KIAA0825: variants seen among roughly 807,000 people sequenced by gnomAD.
KIAA0825 encodes uncharacterized protein KIAA0825.
Under a neutral mutation model 147.6 loss-of-function variants are expected in KIAA0825, and 119 were observed. The observed-to-expected ratio is 0.81, with a 90% confidence interval of 0.69 to 0.94. The LOEUF is 0.94. Ranked by LOEUF, KIAA0825 falls within the 40% of genes least tolerant of loss-of-function variation. KIAA0825 has a pLI of 0.00. For synonymous variants in KIAA0825, 470 were observed against 518.1 expected, an observed-to-expected ratio of 0.91 and a Z score of 1.26; for missense variants, 1,381 against 1,472.7, an observed-to-expected ratio of 0.94 and a Z score of 1.02.
intron 16 of KIAA0825, among the ~76,000 whole-genome samples, chr5:94,397,293 T>C (rs1405369327): frequency 6.6e-6 from 1 of 152,220 alleles, no homozygotes; most frequent in Non-Finnish European, 1.5e-5. Flanking sequence ...TTGTGTCCTA[T>C]GCTATTTCCA....
chr5:94,277,343 T>C (rs1314718488), intron 20 of KIAA0825, among the ~76,000 whole-genome samples: 1 of 151,946 alleles, frequency 6.6e-6, no homozygotes, highest in Non-Finnish European at 1.5e-5. Flanking sequence ...GGGAGAAAAT[T>C]TTTGCAATCT....
chr5:94,457,365 A>G (rs1186908220), intron 12 of KIAA0825, among the ~76,000 whole-genome samples: 7 of 152,246 alleles, frequency 4.6e-5, no homozygotes, highest in African/African-American at 1.7e-4. Context: ...ATTTTGATAC[A>G]GCAAATTTAA....
chr5:94,536,208 C>T (rs17083799), intron 3 of KIAA0825, among the ~76,000 whole-genome samples: 26,543 of 152,012 alleles, frequency 0.17, 3,572 homozygotes, highest in African/African-American at 0.38. Context: ...ACTATTCTCA[C>T]GTAAAGCAGA....
chr5:94,352,616 A>G (rs892623598), intron 20 of KIAA0825, among the ~76,000 whole-genome samples: 1 of 152,240 alleles, frequency 6.6e-6, no homozygotes, highest in Admixed American at 6.5e-5. Flanking sequence ...AGACACTTGC[A>G]CACGCATGTT....
chr5:94,392,977 G>C (rs1349405086), intron 17 of KIAA0825, among the ~76,000 whole-genome samples: 1 of 151,390 alleles, frequency 6.6e-6, no homozygotes, highest in Non-Finnish European at 1.5e-5. Context: ...GGTGCATACA[G>C]GTTGCAAAAA....
chr5:94,229,278 G>A (rs1774477685), intron 20 of KIAA0825, among the ~76,000 whole-genome samples: 1 of 152,160 alleles, frequency 6.6e-6, no homozygotes, highest in Non-Finnish European at 1.5e-5. Flanking sequence ...AATTTTGAAA[G>A]CAAGTCTTTG....
chr5:94,532,545 C>G (rs576549460), intron 3 of KIAA0825, among the ~76,000 whole-genome samples: 1 of 151,802 alleles, frequency 6.6e-6, no homozygotes, highest in Non-Finnish European at 1.5e-5. Context: ...CTTTCCCTTT[C>G]CTTTCCTCCC....
intron 14 of KIAA0825, among the ~76,000 whole-genome samples, chr5:94,423,389 T>G (rs1182775005): frequency 6.6e-6 from 1 of 152,210 alleles, no homozygotes; most frequent in Non-Finnish European, 1.5e-5. Context: ...AGGGCTCTTT[T>G]CGTTGCATGC....
intron 18 of KIAA0825, among the ~76,000 whole-genome samples, chr5:94,387,321 T>G (rs1175461791): frequency 6.6e-6 from 1 of 152,148 alleles, no homozygotes; most frequent in Non-Finnish European, 1.5e-5. Flanking sequence ...GGGCACTGGA[T>G]CAGCTGAGTT....
At chr5:94,409,295 C>A (rs1280561077) in intron 15 of KIAA0825, among the ~76,000 whole-genome samples, 1 of 152,234 alleles carries the variant, frequency 6.6e-6, no homozygotes, top group African/African-American at 2.4e-5. Context: ...GCCATGAAAG[C>A]TAGAAAATAG....
intron 5 of KIAA0825, among the ~76,000 whole-genome samples, chr5:94,502,428 A>C (rs1765204417): frequency 6.6e-6 from 1 of 152,194 alleles, no homozygotes; most frequent in African/African-American, 2.4e-5. Context: ...GGTGGTCACA[A>C]AATATTAAGT....
chr5:94,230,457 C>T (rs1162167433), intron 20 of KIAA0825, among the ~76,000 whole-genome samples: 2 of 152,118 alleles, frequency 1.3e-5, no homozygotes, highest in East Asian at 3.8e-4. Context: ...GGCGAATCCC[C>T]CTACTTTGTA....
chr5:94,389,799 T>C (rs889107281), intron 18 of KIAA0825, among the ~76,000 whole-genome samples: 8 of 152,174 alleles, frequency 5.3e-5, no homozygotes, highest in Non-Finnish European at 8.8e-5. Context: ...TTTGGGCTTA[T>C]TGCCTGTGTT....
intron 2 of KIAA0825, among the ~76,000 whole-genome samples, chr5:94,546,517 C>CAGAGAGAGAGAG (rs34483380): frequency 1.3e-5 from 2 of 149,062 alleles, no homozygotes; most frequent in African/African-American, 5.0e-5. Context: ...TGGCTCAGCA[C>CAGAGAGAGAGAG]AGAGAGAGAG....
At chr5:94,594,718 C>G (rs1336102897) in intron 1 of KIAA0825, 2 of 633,962 alleles carry the variant, frequency 3.2e-6, no homozygotes, top group Non-Finnish European at 6.0e-6. Context: ...GAATGGAACT[C>G]TATGGCACTG....
intron 2 of KIAA0825, among the ~76,000 whole-genome samples, chr5:94,560,711 G>T (rs565152446): frequency 2.3e-3 from 349 of 152,272 alleles, no homozygotes; most frequent in South Asian, 4.1e-3. Flanking sequence ...GTCACCAAAT[G>T]CTCTCAAAGA....
intron 20 of KIAA0825, among the ~76,000 whole-genome samples, chr5:94,311,496 A>G (rs936594415): frequency 2.6e-5 from 4 of 151,668 alleles, no homozygotes; most frequent in African/African-American, 9.7e-5. Context: ...ACTACCTGAC[A>G]TAATTTCTTT....
chr5:94,489,736 A>G (rs1214286031), intron 5 of KIAA0825, among the ~76,000 whole-genome samples: 1 of 151,952 alleles, frequency 6.6e-6, no homozygotes, highest in Non-Finnish European at 1.5e-5. Context: ...TAATACAAAA[A>G]TTAGCCAGGC....
At position 94,379,844 on chromosome 5, in the gene KIAA0825, C is replaced by CTTTTTTTTT. The variant is rs59886046; in HGVS notation, c.3710+4515_3710+4523dup. ...TAGCTGTATTCCTAGGTATTTTATT[C>CTTTTTTTTT]TTTTTTTTTTTTTTTTTTTTTTTTT... On this transcript the variant is annotated intron_variant, in intron 20 of 20. Coordinates refer to ENST00000682413, the MANE Select transcript of KIAA0825 (RefSeq NM_001145678.3). 2.0e-4 allele frequency among the ~76,000 whole-genome samples: 11 copies of CTTTTTTTTT among 55,724 alleles called. 2 individuals carry two copies. The highest frequency in any genetic ancestry group is 4.4e-4 in the African/African-American group (5 of 11,406). The allele number at this position is 55,724 out of a possible 152,430, so 36.6% of individuals were successfully genotyped here. A position where few individuals can be genotyped will look rare whatever the true frequency, so the allele number is the denominator to read the frequency against.
Sources: allele counts gnomAD v4.1 joint callset (sites outside exome capture counted in the v4.1 genomes callset), GRCh38; gene constraint gnomAD v4.1.1; transcripts MANE v1.5; gene names NCBI Gene and HGNC (gene_info 2026-07-23, HGNC 2026-07-21).